Variants in PRKG1 observed in about 807,000 individuals in gnomAD.
The protein encoded by PRKG1 is protein kinase cGMP-dependent 1, also known as cGMP-dependent protein kinase 1.
A neutral mutation model predicts 88.1 loss-of-function variants in PRKG1; 35 were observed. The ratio of observed to expected loss-of-function variants is 0.40; its 90% CI spans 0.30 to 0.53. The LOEUF is 0.53. PRKG1 is among the 20% of genes least tolerant of loss of function. PRKG1 has a pLI of 0.59. For synonymous variants in PRKG1, 303 were observed against 292.5 expected (o/e 1.04, Z -0.37); for missense variants, 540 against 839.8 (o/e 0.64, Z 4.41).
intron 1 of PRKG1, among the ~76,000 whole-genome samples, chr10:51,140,378 A>G (rs1362438999): frequency 6.6e-6 from 1 of 152,176 alleles, no homozygotes; most frequent in Non-Finnish European, 1.5e-5. Context: ...TATATGAGGT[A>G]CTCAAAAAAT....
At chr10:51,443,095 A>G (rs1173569901) in intron 2 of PRKG1, among the ~76,000 whole-genome samples, 11 of 152,022 alleles carry the variant, frequency 7.2e-5, no homozygotes, top group Non-Finnish European at 1.5e-4. Flanking sequence ...GCAGCATGAG[A>G]TATATTGTTA....
chr10:51,595,742 T>A (rs965841014), intron 3 of PRKG1, among the ~76,000 whole-genome samples: 1 of 152,156 alleles, frequency 6.6e-6, no homozygotes, highest in African/African-American at 2.4e-5. Context: ...CAGGTAAACC[T>A]TTTCTGACCT....
rs1277767362 is a variant in PRKG1 at position 51,202,443 on chromosome 10, A to G, written c.478+49113A>G. Among the ~76,000 whole-genome samples the G allele has an allele frequency of 2.0e-5, 3 of 152,282 alleles. No homozygotes were observed. The East Asian group carries it at 5.8e-4, about 29-fold the overall frequency. On this transcript the variant is annotated intron_variant, in intron 2 of 17. Transcript: ENST00000373980. ...TTCTATCCTGCTTTTCTCACTCCCC[A>G]GAAGATTTCTCCTGAGAACACTGCT...
intron 2 of PRKG1, among the ~76,000 whole-genome samples, chr10:51,397,715 A>T (rs1440763171): frequency 1.3e-5 from 2 of 152,210 alleles, no homozygotes; most frequent in Non-Finnish European, 2.9e-5. Flanking sequence ...AATTAAAATC[A>T]CAGCAGTTAT....
intron 3 of PRKG1, among the ~76,000 whole-genome samples, chr10:51,674,558 T>C (rs1840663850): frequency 6.6e-6 from 1 of 152,234 alleles, no homozygotes; most frequent in African/African-American, 2.4e-5. Context: ...ATTCTATTGC[T>C]TTTAATTACA....
At chr10:51,564,689 G>A (rs1010839425) in intron 3 of PRKG1, among the ~76,000 whole-genome samples, 2 of 152,078 alleles carry the variant, frequency 1.3e-5, no homozygotes, top group African/African-American at 4.8e-5. Flanking sequence ...TTACGCACAG[G>A]TAATAGGATT....
chr10:51,700,138 C>A (rs1229381409), intron 3 of PRKG1, among the ~76,000 whole-genome samples: 17 of 152,214 alleles, frequency 1.1e-4, no homozygotes, highest in Admixed American at 1.1e-3. Context: ...AGTATTATAT[C>A]TCCTTTTTAG....
At chr10:51,929,721 T>A (rs1262621784) in intron 5 of PRKG1, among the ~76,000 whole-genome samples, 1 of 152,158 alleles carries the variant, frequency 6.6e-6, no homozygotes, top group Non-Finnish European at 1.5e-5. Flanking sequence ...GTAAAATATG[T>A]TTATGAGAAT....
chr10:51,814,557 C>G (rs955482077), intron 4 of PRKG1, among the ~76,000 whole-genome samples: 1 of 152,004 alleles, frequency 6.6e-6, no homozygotes, highest in African/African-American at 2.4e-5. Context: ...CTTGACAAAG[C>G]TGGTATAGTT....
At chr10:52,038,550 G>C (rs1051416668) in intron 5 of PRKG1, among the ~76,000 whole-genome samples, 1 of 152,078 alleles carries the variant, frequency 6.6e-6, no homozygotes, top group Non-Finnish European at 1.5e-5. Flanking sequence ...TTGCCGCTAA[G>C]AGTGAAGGAG....
intron 3 of PRKG1, chr10:51,699,100 AC>A: frequency 2.5e-6 from 4 of 1,614,220 alleles, no homozygotes; most frequent in Non-Finnish European, 3.4e-6. Flanking sequence ...TGTTTTGGAC[AC>A]AGAGCTTCAT....
At chr10:51,041,579 T>A (rs1487799041) in intron 1 of PRKG1, among the ~76,000 whole-genome samples, 1 of 151,786 alleles carries the variant, frequency 6.6e-6, no homozygotes, top group African/African-American at 2.4e-5. Flanking sequence ...TTTAAGGCAG[T>A]AGGTTCCCTT....
intron 5 of PRKG1, among the ~76,000 whole-genome samples, chr10:51,963,112 G>T (rs999896996): frequency 1.3e-5 from 2 of 148,616 alleles, no homozygotes; most frequent in Non-Finnish European, 3.0e-5. Flanking sequence ...GTAGCAAAAA[G>T]GTAAAAAAAA....
At chr10:51,730,644 CA>C (rs1842249500) in intron 3 of PRKG1, among the ~76,000 whole-genome samples, 1 of 152,164 alleles carries the variant, frequency 6.6e-6, no homozygotes, top group Non-Finnish European at 1.5e-5. Flanking sequence ...CTATCAAATA[CA>C]CACACGTATC....
intron 4 of PRKG1, among the ~76,000 whole-genome samples, chr10:51,900,728 A>C (rs1024184633): frequency 2.6e-5 from 4 of 152,108 alleles, no homozygotes; most frequent in African/African-American, 9.7e-5. Context: ...GATGGACTTA[A>C]CTTTGTTCAT....
At chr10:52,090,270 A>G (rs929907409) in intron 7 of PRKG1, among the ~76,000 whole-genome samples, 1 of 152,106 alleles carries the variant, frequency 6.6e-6, no homozygotes, top group African/African-American at 2.4e-5. Flanking sequence ...ATGGCTACAT[A>G]CAAAAAAGAC....
chr10:51,565,944 A>C (rs1837592326), intron 3 of PRKG1, among the ~76,000 whole-genome samples: 1 of 152,124 alleles, frequency 6.6e-6, no homozygotes, highest in African/African-American at 2.4e-5. Context: ...TTCTGAACTT[A>C]TTTATTATAT....
chr10:51,480,907 A>C (rs2132846663), intron 3 of PRKG1, among the ~76,000 whole-genome samples: 1 of 152,242 alleles, frequency 6.6e-6, no homozygotes, highest in East Asian at 1.9e-4. Flanking sequence ...TAGGTATATG[A>C]GGGACTGGAG....
Position 50,991,288 on chromosome 10 carries a change from C to G in PRKG1, c.-91C>G. On this transcript the variant is annotated 5_prime_UTR_variant, in exon 1 of 18. Transcript: ENST00000401604. This position sits in a 1 kb window ranked among gnomAD's most constrained non-coding sequence, Gnocchi z 4.5. ...GCCCATTCACTCGCTCACCCGCGCT[C>G]TCCGCTGCCGGCTGCCGTCCCAGCC... 1.4e-6 allele frequency: 2 copies of G among 1,454,320 alleles called. No individual in the cohort carries two copies. The highest frequency in any genetic ancestry group is 2.8e-5 in the South Asian group (2 of 71,900). The allele number at this position is 1,454,320 out of a possible 1,614,324, so 90.1% of individuals were successfully genotyped here.
Sources: gnomAD v4.1 joint callset for allele counts (sites outside exome capture counted in the v4.1 genomes callset) on GRCh38, gnomAD v4.1.1 for gene constraint, Gnocchi (gnomAD v3.1) non-coding constraint, MANE v1.5 for transcripts, NCBI Gene and HGNC (gene_info 2026-07-23, HGNC 2026-07-21) for gene names.